Variants in DLG2 observed in about 807,000 individuals in gnomAD.
DLG2 encodes disks large homolog 2.
A neutral mutation model predicts 132.5 loss-of-function variants in DLG2; 45 were observed. That is an observed-to-expected ratio of 0.34 (90% CI 0.27 to 0.44). The LOEUF (loss-of-function observed/expected upper bound fraction) is 0.44, where lower values mean the gene tolerates loss of function less well. DLG2 is among the 20% of genes least tolerant of loss of function. The pLI is 1.00. For synonymous variants in DLG2, 424 were observed against 419.6 expected (o/e 1.01, Z -0.13); for missense variants, 1,045 against 1,196.9 (o/e 0.87, Z 1.87).
chr11:84,909,158 A>G (rs971348980), intron 6 of DLG2, among the ~76,000 whole-genome samples: 2 of 152,060 alleles, frequency 1.3e-5, no homozygotes, highest in African/African-American at 4.8e-5. Context: ...AATCTTTCCT[A>G]AATAGTATTT....
chr11:84,648,472 T>A (rs533021960), intron 6 of DLG2, among the ~76,000 whole-genome samples: 1 of 152,290 alleles, frequency 6.6e-6, no homozygotes, highest in African/African-American at 2.4e-5. Flanking sequence ...GACTTTCATT[T>A]TATTTCATTT....
At chr11:83,566,625 T>C (rs1029518633) in intron 19 of DLG2, among the ~76,000 whole-genome samples, 2 of 151,954 alleles carry the variant, frequency 1.3e-5, no homozygotes, top group African/African-American at 4.8e-5. Flanking sequence ...ACAAAAGTGT[T>C]AAAGAAATAA....
intron 6 of DLG2, among the ~76,000 whole-genome samples, chr11:84,725,001 T>A (rs2062252562): frequency 6.6e-6 from 1 of 152,192 alleles, no homozygotes; most frequent in African/African-American, 2.4e-5. Context: ...GCTTACATTT[T>A]ATTAGCTAAG....
chr11:83,862,732 T>C lies in DLG2; in HGVS notation c.1565+11688A>G, dbSNP rs79087560. Among the ~76,000 whole-genome samples, 1,034 of 152,252 alleles carry C rather than the reference T, an allele frequency of 6.8e-3. 14 individuals are homozygous for C. Among genetic ancestry groups the C allele is most frequent in the African/African-American group, 0.024 (1,001 of 41,546 alleles). On this transcript the variant is annotated intron_variant, in intron 16 of 27. Transcript: ENST00000376104. ...TACAAACTTTAAAACTCTGTACAAC[T>C]ACAGAGAGAGAGAAAGTGATGACTA...
chr11:84,770,816 T>A (rs2069223760), intron 6 of DLG2, among the ~76,000 whole-genome samples: 1 of 151,558 alleles, frequency 6.6e-6, no homozygotes, highest in African/African-American at 2.4e-5. Context: ...TGGCTAATTT[T>A]TTTTTTTTTT....
intron 6 of DLG2, among the ~76,000 whole-genome samples, chr11:85,048,684 G>A (rs1212264226): frequency 1.3e-5 from 2 of 151,852 alleles, no homozygotes; most frequent in African/African-American, 2.4e-5. Flanking sequence ...AAATAGAGTC[G>A]GGACAATGTA....
At chr11:84,212,957 C>T (rs1191762846) in intron 8 of DLG2, among the ~76,000 whole-genome samples, 2 of 152,170 alleles carry the variant, frequency 1.3e-5, no homozygotes, top group Non-Finnish European at 2.9e-5. Context: ...GGCGCCCGGC[C>T]TTACTTTCAC....
chr11:85,016,939 T>C (rs1181327799), intron 6 of DLG2, among the ~76,000 whole-genome samples: 1 of 152,176 alleles, frequency 6.6e-6, no homozygotes, highest in East Asian at 1.9e-4. Context: ...ATAGCAGAGG[T>C]TGGCAAACCT....
intron 6 of DLG2, among the ~76,000 whole-genome samples, chr11:84,969,368 C>A (rs916879747): frequency 2.0e-5 from 3 of 152,272 alleles, no homozygotes; most frequent in African/African-American, 7.2e-5. Context: ...CTTCCTACCA[C>A]TGAATCCTGG....
At chr11:84,726,266 C>T (rs1240238407) in intron 6 of DLG2, among the ~76,000 whole-genome samples, 1 of 152,058 alleles carries the variant, frequency 6.6e-6, no homozygotes, top group Non-Finnish European at 1.5e-5. Context: ...CCCTCCCATA[C>T]CCCCTACCCC....
At chr11:83,691,319 T>C (rs2080953513) in intron 18 of DLG2, among the ~76,000 whole-genome samples, 1 of 152,180 alleles carries the variant, frequency 6.6e-6, no homozygotes, top group South Asian at 2.1e-4. Flanking sequence ...CTGCCTCCAC[T>C]GTCTTCTCTG....
intron 6 of DLG2, among the ~76,000 whole-genome samples, chr11:84,619,872 C>T (rs2099610878): frequency 6.6e-6 from 1 of 151,438 alleles, no homozygotes; most frequent in African/African-American, 2.4e-5. Context: ...CATAAGAAAT[C>T]AATCTTCCCA....
chr11:83,896,656 G>GA (rs939295058), intron 15 of DLG2, among the ~76,000 whole-genome samples: 19 of 152,276 alleles, frequency 1.2e-4, no homozygotes, highest in African/African-American at 4.6e-4. Context: ...ATTTTATAGA[G>GA]AAAATAGTTT....
chr11:84,993,713 A>C (rs1486540083), intron 6 of DLG2, among the ~76,000 whole-genome samples: 1 of 152,098 alleles, frequency 6.6e-6, no homozygotes, highest in African/African-American at 2.4e-5. Flanking sequence ...GTGTTTACTC[A>C]CAACTTTTGT....
At chr11:84,713,911 G>A (rs528629528) in intron 6 of DLG2, among the ~76,000 whole-genome samples, 1 of 152,068 alleles carries the variant, frequency 6.6e-6, no homozygotes, top group South Asian at 2.1e-4. Context: ...ATGGTTAACT[G>A]TTATACAGCA....
chr11:83,471,161 C>T (rs1470341464), intron 24 of DLG2, among the ~76,000 whole-genome samples: 3 of 152,060 alleles, frequency 2.0e-5, no homozygotes, highest in Non-Finnish European at 4.4e-5. Flanking sequence ...CCTCCCTAAA[C>T]CTGGGACTGT....
intron 7 of DLG2, among the ~76,000 whole-genome samples, chr11:84,389,521 C>T (rs185140429): frequency 2.0e-5 from 3 of 152,166 alleles, no homozygotes; most frequent in East Asian, 3.9e-4. Flanking sequence ...TTTGTTTACA[C>T]TGGAATAAAA....
At chr11:84,036,618 G>A (rs1480412659) in intron 11 of DLG2, among the ~76,000 whole-genome samples, 1 of 152,074 alleles carries the variant, frequency 6.6e-6, no homozygotes, top group Non-Finnish European at 1.5e-5. Context: ...TTGCATTGAT[G>A]AAAGCCCAGA....
chr11:84,159,703 T>C (rs1397631780), intron 9 of DLG2, among the ~76,000 whole-genome samples: 1 of 152,142 alleles, frequency 6.6e-6, no homozygotes, highest in Non-Finnish European at 1.5e-5. Flanking sequence ...TATATTAACA[T>C]TTTGAAAAAA....
Sources: allele counts gnomAD v4.1 joint callset (sites outside exome capture counted in the v4.1 genomes callset), GRCh38; gene constraint gnomAD v4.1.1; transcripts MANE v1.5; gene names NCBI Gene and HGNC (gene_info 2026-07-23, HGNC 2026-07-21).